The following GRIK3 variants were observed in gnomAD, a reference collection of about 807,000 sequenced individuals.
The protein encoded by GRIK3 is glutamate receptor ionotropic, kainate 3.
In GRIK3, 29 loss-of-function variants were observed where a neutral mutation model predicts 102.5. That is an observed-to-expected ratio of 0.28 (90% confidence interval 0.21 to 0.39). GRIK3 has a LOEUF of 0.39. GRIK3 is among the 10% of genes least tolerant of loss of function. The probability of loss-of-function intolerance (pLI) is 1.00; values close to 1 mark genes in which losing one functional copy is unlikely to be tolerated. For missense variants in GRIK3, 908 were observed against 1,252.4 expected, an observed-to-expected ratio of 0.73 and a Z score of 4.15; for synonymous variants, 511 against 504.9, an observed-to-expected ratio of 1.01 and a Z score of -0.16.
At chr1:36,963,654 C>T (rs776827964) in intron 1 of GRIK3, among the ~76,000 whole-genome samples, 14 of 152,162 alleles carry the variant, frequency 9.2e-5, no homozygotes, top group Non-Finnish European at 1.5e-4. Flanking sequence ...AACTTCTATT[C>T]CTTGTGATCT....
chr1:36,952,872 A>G (rs1206277315), intron 1 of GRIK3, among the ~76,000 whole-genome samples: 1 of 152,126 alleles, frequency 6.6e-6, no homozygotes, highest in Non-Finnish European at 1.5e-5. Flanking sequence ...CCAAATCTGG[A>G]GGAGAGGGAA....
At chr1:36,815,749 T>C (rs1171835126) in intron 13 of GRIK3, among the ~76,000 whole-genome samples, 1 of 152,092 alleles carries the variant, frequency 6.6e-6, no homozygotes, top group East Asian at 1.9e-4. Context: ...CTGCAAGCTG[T>C]GTTTCTTTCT....
At chr1:36,878,649 C>A (rs113262332) in intron 3 of GRIK3, among the ~76,000 whole-genome samples, 2,921 of 152,272 alleles carry the variant, frequency 0.019, 88 homozygotes, top group African/African-American at 0.065. Flanking sequence ...GGACTCAAGC[C>A]TTTGGAAAGA....
At chr1:36,849,682 C>G (rs983611245) in intron 9 of GRIK3, 2 of 152,670 alleles carry the variant, frequency 1.3e-5, no homozygotes. Context: ...GGTCAGCAGC[C>G]TGGGTCTGTC....
chr1:36,854,552 G>A (rs1452771822), intron 7 of GRIK3, among the ~76,000 whole-genome samples: 1 of 152,146 alleles, frequency 6.6e-6, no homozygotes, highest in East Asian at 1.9e-4. Context: ...TGGCTAGCGG[G>A]TCAACCTGGC....
chr1:37,001,016 A>G (rs1173310196), intron 1 of GRIK3, among the ~76,000 whole-genome samples: 1 of 152,244 alleles, frequency 6.6e-6, no homozygotes, highest in African/African-American at 2.4e-5. Flanking sequence ...GTTAGGATGT[A>G]AAAGGTATAA....
intron 1 of GRIK3, among the ~76,000 whole-genome samples, chr1:36,940,590 G>A (rs1641707948): frequency 6.6e-6 from 1 of 152,230 alleles, no homozygotes; most frequent in Admixed American, 6.5e-5. Context: ...AACACTACGA[G>A]TCTTGCTGCA....
chr1:36,865,698 G>A (rs1640777428), intron 5 of GRIK3, among the ~76,000 whole-genome samples: 1 of 152,192 alleles, frequency 6.6e-6, no homozygotes, highest in African/African-American at 2.4e-5. Context: ...GGGGAGGAAG[G>A]ACAGTCAGCT....
intron 1 of GRIK3, among the ~76,000 whole-genome samples, chr1:37,027,474 T>C (rs1292342364): frequency 6.6e-6 from 1 of 152,212 alleles, no homozygotes; most frequent in East Asian, 1.9e-4. Flanking sequence ...CCCCCTCTCA[T>C]GGTCAGTCAT....
chr1:36,977,927 C>T (rs2124363868), intron 1 of GRIK3, among the ~76,000 whole-genome samples: 1 of 152,358 alleles, frequency 6.6e-6, no homozygotes, highest in East Asian at 1.9e-4. Context: ...CAGGGCAAGA[C>T]CTCCCCTGCA....
Position 36,997,804 on chromosome 1 carries a change from G to A in GRIK3, c.115+36190C>T, listed in dbSNP as rs574660751. 3.3e-5 allele frequency among the ~76,000 whole-genome samples: 5 copies of A among 152,254 alleles called. No homozygotes were observed. The East Asian group carries it at 9.7e-4, about 29-fold the overall frequency. On this transcript the variant is annotated intron_variant, in intron 1 of 15. Transcript: ENST00000373091. ...TCAAGCCTAGCCCACATCCTGGAAA[G>A]GACCAAGGGTGACCAGATACAGCCT...
rs1281418418 is a variant in GRIK3, at chr1:36,819,320, T to C, written c.1873+416A>G. 6.6e-6 allele frequency among the ~76,000 whole-genome samples: 1 copy of C among 152,172 alleles called. No homozygotes were observed. The highest frequency in any genetic ancestry group is 1.5e-5 in the Non-Finnish European group (1 of 68,020). Reference sequence around the variant, plus strand: ...GGTTCAGGTCTCATCACCTCATTCCTGCAGTGGCCTCCCACCCAGACTCCC... The same window carrying C: ...GGTTCAGGTCTCATCACCTCATTCCCGCAGTGGCCTCCCACCCAGACTCCC... On this transcript the variant is annotated intron_variant, in intron 12 of 15. Coordinates refer to ENST00000373091, the MANE Select transcript of GRIK3 (RefSeq NM_000831.4). This position sits in a 1 kb window ranked among gnomAD's most constrained non-coding sequence, Gnocchi z 4.1.
At chr1:36,921,380 G>A (rs926136123) in intron 1 of GRIK3, among the ~76,000 whole-genome samples, 32 of 152,188 alleles carry the variant, frequency 2.1e-4, no homozygotes, top group Admixed American at 5.9e-4. Flanking sequence ...AGATCTGGGG[G>A]ATGATCTTGT....
At chr1:36,956,625 G>A (rs911699103) in intron 1 of GRIK3, among the ~76,000 whole-genome samples, 8 of 151,924 alleles carry the variant, frequency 5.3e-5, no homozygotes, top group Non-Finnish European at 7.4e-5. Flanking sequence ...TGAGAGAGGC[G>A]GACCCTGAGC....
chr1:36,822,233 T>TTTCCCCACTTTAGTGG, intron 11 of GRIK3, among the ~76,000 whole-genome samples: 1 of 152,234 alleles, frequency 6.6e-6, no homozygotes. Flanking sequence ...TGCTAAAGTG[T>TTTCCCCACTTTAGTGG]GGCTCAATGG....
At chr1:36,829,955 A>T (rs1162552275) in intron 10 of GRIK3, among the ~76,000 whole-genome samples, 1 of 152,160 alleles carries the variant, frequency 6.6e-6, no homozygotes, top group Admixed American at 6.5e-5. Context: ...TTCTCTTAGG[A>T]CAGGGGTCCT....
intron 1 of GRIK3, among the ~76,000 whole-genome samples, chr1:36,983,290 C>T (rs1438326474): frequency 1.3e-5 from 2 of 152,160 alleles, no homozygotes; most frequent in African/African-American, 4.8e-5. Flanking sequence ...CACACACACA[C>T]TCTGGGATGT....
chr1:36,976,855 T>G (rs1218513729), intron 1 of GRIK3, among the ~76,000 whole-genome samples: 1 of 152,082 alleles, frequency 6.6e-6, no homozygotes, highest in East Asian at 1.9e-4. Flanking sequence ...CCCTCCCCAG[T>G]CACCCACACT....
chr1:36,811,179 G>A (rs1226699501), intron 13 of GRIK3, among the ~76,000 whole-genome samples: 1 of 151,896 alleles, frequency 6.6e-6, no homozygotes, highest in African/African-American at 2.4e-5. Context: ...ATAGGTGGCC[G>A]GAGTCACTCT....
Sources: gnomAD v4.1 joint callset for allele counts (sites outside exome capture counted in the v4.1 genomes callset) on GRCh38, gnomAD v4.1.1 for gene constraint, Gnocchi (gnomAD v3.1) non-coding constraint, MANE v1.5 for transcripts, NCBI Gene and HGNC (gene_info 2026-07-23, HGNC 2026-07-21) for gene names.